Variants in GPATCH8 observed in about 807,000 individuals in gnomAD.
The protein encoded by GPATCH8 is G patch domain-containing protein 8.
A neutral mutation model predicts 118.3 loss-of-function variants in GPATCH8; 18 were observed. The ratio of observed to expected loss-of-function variants is 0.15; its 90% CI spans 0.11 to 0.23. The LOEUF is 0.23. Among genes scored for constraint, GPATCH8 ranks in the 10% least tolerant of loss-of-function variants. The pLI, the probability that GPATCH8 is intolerant of heterozygous loss-of-function variation, is 1.00. For missense variants in GPATCH8, 1,631 were observed against 1,873.8 expected (o/e 0.87, Z 2.39); for synonymous variants, 659 against 684.7 (o/e 0.96, Z 0.59).
At chr17:44,476,737 C>T (rs940333266) in intron 1 of GPATCH8, among the ~76,000 whole-genome samples, 11 of 152,306 alleles carry the variant, frequency 7.2e-5, no homozygotes, top group African/African-American at 2.6e-4. Context: ...TCAAGATGAT[C>T]TGCAAAGGAG....
At chr17:44,466,920 A>G (rs1598573193) in intron 2 of GPATCH8, among the ~76,000 whole-genome samples, 1 of 150,696 alleles carries the variant, frequency 6.6e-6, no homozygotes. Context: ...CCCCCCCTCC[A>G]TTTTGTTGTT....
intron 5 of GPATCH8, among the ~76,000 whole-genome samples, chr17:44,429,524 A>C (rs967511336): frequency 6.6e-6 from 1 of 152,186 alleles, no homozygotes; most frequent in East Asian, 1.9e-4. Flanking sequence ...AAAACATGTA[A>C]AACTAGGCCA....
rs1173086743 is a variant in GPATCH8 at position 44,399,480 on chromosome 17, G to A, written c.2597C>T (p.Ser866Phe). The part of the protein sequence containing the change: ...SGRRHSSHRS[S>F]RRSYSSSSDA... The stretch of plus-strand genomic sequence containing the variant: ...TGAGCTACTTGAGTAAGAACGCCGG[G>A]AGGAACGATGCGAGGAATGGCGCCG... Residue 866 changes from serine to phenylalanine, a missense_variant, in exon 8 of 8, where the codon TCC (serine) becomes TTC (phenylalanine). This residue lies in a region of GPATCH8 where 922 missense variants were observed against 879.7 expected (regional missense o/e 1.05). Coordinates refer to ENST00000591680, the MANE Select transcript of GPATCH8 (RefSeq NM_001002909.4). 1.9e-6 allele frequency: 3 copies of A among 1,614,030 alleles called. No individual in the cohort carries two copies. Among genetic ancestry groups the A allele is most frequent in the Middle Eastern group, 1.6e-4 (1 of 6,084 alleles).
Position 44,398,615 on chromosome 17 carries a change from G to C in GPATCH8, c.3462C>G (p.Thr1154=), listed in dbSNP as rs936019. The part of the protein sequence containing the change: ...VLPLIGKLPA[T]RKPNKKCEES... ...CTTCACACTTCTTATTGGGCTTTCGGGTAGCTGGGAGCTTCCCTATCAGTG... is the reference window on the plus strand; with the variant it reads ...CTTCACACTTCTTATTGGGCTTTCGCGTAGCTGGGAGCTTCCCTATCAGTG... Residue 1154 remains threonine, a synonymous_variant, in exon 8 of 8, where the codon ACC becomes ACG. Coordinates refer to ENST00000591680, the MANE Select transcript of GPATCH8 (RefSeq NM_001002909.4). 917,865 of 1,543,192 alleles carry C rather than the reference G, an allele frequency of 0.59. 276,327 individuals are homozygous for C. The highest frequency in any genetic ancestry group is 0.63 in the Middle Eastern group (3,606 of 5,698).
intron 6 of GPATCH8, among the ~76,000 whole-genome samples, chr17:44,413,736 C>T (rs933852106): frequency 9.2e-5 from 14 of 152,162 alleles, no homozygotes; most frequent in Admixed American, 9.2e-4. Flanking sequence ...TCTCCTGCCT[C>T]AGCCTCCCAG....
At chr17:44,449,760 G>A (rs2051046510) in intron 3 of GPATCH8, among the ~76,000 whole-genome samples, 4 of 149,850 alleles carry the variant, frequency 2.7e-5, no homozygotes, top group East Asian at 4.1e-4. Flanking sequence ...TGATCCGCCC[G>A]CCTCAGCCTC....
intron 6 of GPATCH8, among the ~76,000 whole-genome samples, chr17:44,419,589 C>T (rs975164144): frequency 7.2e-5 from 11 of 151,838 alleles, no homozygotes; most frequent in African/African-American, 2.2e-4. Flanking sequence ...TGGGCTCAAG[C>T]GATCCTCCTG....
At position 44,469,550 on chromosome 17, in the gene GPATCH8, C is replaced by A. The variant is rs75180812; in HGVS notation, c.121-5006G>T. ...TGACTGGATGAATACTAATTCTATA[C>A]TGAATTTTGTTTTAGTTGACAGCCA... On this transcript the variant is annotated intron_variant, in intron 2 of 7. Transcript: ENST00000591680. Among the ~76,000 whole-genome samples, 595 of 152,296 alleles carry A rather than the reference C, an allele frequency of 3.9e-3. 26 individuals carry two copies. In the East Asian group the frequency reaches 0.099, roughly 25 times the overall value.
intron 5 of GPATCH8, among the ~76,000 whole-genome samples, chr17:44,429,472 T>C (rs191541607): frequency 6.6e-6 from 1 of 152,002 alleles, no homozygotes; most frequent in Non-Finnish European, 1.5e-5. Flanking sequence ...CTTGTGTGTA[T>C]ATATATATAC....
chr17:44,459,792 T>C (rs544747770), intron 3 of GPATCH8, among the ~76,000 whole-genome samples: 1 of 152,302 alleles, frequency 6.6e-6, no homozygotes, highest in Non-Finnish European at 1.5e-5. Context: ...AACCATGTCT[T>C]ATCTACTCTC....
intron 1 of GPATCH8, among the ~76,000 whole-genome samples, chr17:44,481,658 G>A (rs1037811385): frequency 1.3e-5 from 2 of 152,092 alleles, no homozygotes; most frequent in Middle Eastern, 3.2e-3. Flanking sequence ...GTAAATGGGC[G>A]AATTTCACTG....
At chr17:44,448,776 TAA>T (rs538345312) in intron 3 of GPATCH8, among the ~76,000 whole-genome samples, 7 of 133,442 alleles carry the variant, frequency 5.2e-5, no homozygotes, top group African/African-American at 8.4e-5. Context: ...GCTAAGACTA[TAA>T]AAAAAAAAAA....
chr17:44,450,022 G>A (rs561618116), intron 3 of GPATCH8, among the ~76,000 whole-genome samples: 1 of 152,036 alleles, frequency 6.6e-6, no homozygotes, highest in Non-Finnish European at 1.5e-5. Flanking sequence ...GAAATATATA[G>A]GTATATAAAA....
chr17:44,420,048 T>G (rs1390699079), intron 6 of GPATCH8, among the ~76,000 whole-genome samples: 1 of 152,072 alleles, frequency 6.6e-6, no homozygotes, highest in Non-Finnish European at 1.5e-5. Flanking sequence ...GTTTTTTTTT[T>G]TTTTAATGCG....
At chr17:44,435,450 G>A (rs1443687978) in intron 4 of GPATCH8, among the ~76,000 whole-genome samples, 2 of 87,874 alleles carry the variant, frequency 2.3e-5, no homozygotes, top group Non-Finnish European at 4.1e-5. Context: ...TTTCACTCTT[G>A]TTGCTCAGGC....
rs1226184318 is a variant in GPATCH8, at chr17:44,396,261, T to C, written c.*1307A>G. On this transcript the variant is annotated 3_prime_UTR_variant, in exon 8 of 8. Transcript: ENST00000591680. ...CCCCCAGACAATCACCAAATCTCAC[T>C]GCTTCCAGACAATAAAGCTGTTGAA... 2.2e-6 allele frequency: 1 copy of C among 454,520 alleles called. No individual in the cohort carries two copies. The highest frequency in any genetic ancestry group is 1.6e-5 in the South Asian group (1 of 64,478). The allele number at this position is 454,520 out of a possible 1,614,324, so 28.2% of individuals were successfully genotyped here. A position where few individuals can be genotyped will look rare whatever the true frequency, so the allele number is the denominator to read the frequency against.
At chr17:44,435,411 CTTTT>C (rs566253126) in intron 4 of GPATCH8, among the ~76,000 whole-genome samples, 14 of 99,754 alleles carry the variant, frequency 1.4e-4, no homozygotes, top group South Asian at 3.8e-4. Context: ...TCTTTCTTTC[CTTTT>C]TTTTTTTTTT....
intron 1 of GPATCH8, among the ~76,000 whole-genome samples, chr17:44,502,353 T>C (rs947472123): frequency 2.8e-5 from 3 of 108,954 alleles, no homozygotes; most frequent in Non-Finnish European, 4.0e-5. Flanking sequence ...GCGGTAGTAA[T>C]GCAGTGTTTT....
chr17:44,429,410 C>A (rs1246640886), intron 5 of GPATCH8, among the ~76,000 whole-genome samples: 4 of 152,016 alleles, frequency 2.6e-5, no homozygotes, highest in East Asian at 1.9e-4. Context: ...GGTTTAACCC[C>A]TTACAGCAAT....
Sources: gnomAD v4.1 joint callset for allele counts (sites outside exome capture counted in the v4.1 genomes callset) on GRCh38, gnomAD v4.1.1 for gene constraint, gnomAD v4.1.1 regional missense constraint, MANE v1.5 for transcripts, NCBI Gene and HGNC (gene_info 2026-07-23, HGNC 2026-07-21) for gene names.